PHACTR1: variants seen among roughly 807,000 people sequenced by gnomAD.
PHACTR1 encodes the protein phosphatase and actin regulator 1, also known as RPEL repeat containing 1.
In PHACTR1, 16 loss-of-function variants were observed where a neutral mutation model predicts 69.2. The observed-to-expected ratio is 0.23, with a 90% CI of 0.16 to 0.35. The LOEUF is 0.35. PHACTR1 is among the 10% of genes least tolerant of loss of function. The probability of loss-of-function intolerance (pLI) is 1.00; values close to 1 mark genes in which losing one functional copy is unlikely to be tolerated. For synonymous variants in PHACTR1, 312 were observed against 284.5 expected, an observed-to-expected ratio of 1.10 and a Z score of -0.97; for missense variants, 510 against 734.7, an observed-to-expected ratio of 0.69 and a Z score of 3.54.
At chr6:12,820,362 A>G (rs909335669) in intron 4 of PHACTR1, among the ~76,000 whole-genome samples, 1 of 152,036 alleles carries the variant, frequency 6.6e-6, no homozygotes, top group South Asian at 2.1e-4. Context: ...TTGTATTTTT[A>G]GTAGAGACAG....
chr6:12,916,768 C>A (rs1009152686), intron 4 of PHACTR1, among the ~76,000 whole-genome samples: 1 of 152,078 alleles, frequency 6.6e-6, no homozygotes, highest in African/African-American at 2.4e-5. Context: ...CTAGATCTTC[C>A]AATATGTGCA....
chr6:13,232,752 G>T (rs541395553), intron 10 of PHACTR1, among the ~76,000 whole-genome samples: 4 of 152,256 alleles, frequency 2.6e-5, no homozygotes, highest in African/African-American at 9.6e-5. Flanking sequence ...TCGGTTCTGA[G>T]GGTGGTTGGG....
intron 4 of PHACTR1, among the ~76,000 whole-genome samples, chr6:12,842,823 G>A (rs1368821150): frequency 6.6e-6 from 1 of 152,092 alleles, no homozygotes; most frequent in African/African-American, 2.4e-5. Flanking sequence ...GAGATTACAG[G>A]TGTGAGCTAC....
At chr6:12,974,167 A>G (rs941477621) in intron 4 of PHACTR1, among the ~76,000 whole-genome samples, 5 of 151,844 alleles carry the variant, frequency 3.3e-5, no homozygotes, top group African/African-American at 1.2e-4. Context: ...TGATCCACCC[A>G]CCTCCGCCTT....
At chr6:13,262,304 A>G (rs892436986) in intron 10 of PHACTR1, among the ~76,000 whole-genome samples, 3 of 152,196 alleles carry the variant, frequency 2.0e-5, no homozygotes, top group East Asian at 3.9e-4. Context: ...TTGGAGAGGA[A>G]GATGTATGGG....
intron 4 of PHACTR1, among the ~76,000 whole-genome samples, chr6:12,863,235 A>C (rs1483671122): frequency 6.6e-6 from 1 of 152,224 alleles, no homozygotes; most frequent in South Asian, 2.1e-4. Flanking sequence ...TATTTCTCAC[A>C]GTTCTGAAGG....
At chr6:12,985,743 A>G (rs1057142450) in intron 4 of PHACTR1, among the ~76,000 whole-genome samples, 4 of 152,170 alleles carry the variant, frequency 2.6e-5, no homozygotes, top group South Asian at 4.1e-4. Flanking sequence ...CAAAATCACA[A>G]TTATGTAGAT....
chr6:13,135,665 A>G (rs373754741), intron 5 of PHACTR1, among the ~76,000 whole-genome samples: 32 of 150,286 alleles, frequency 2.1e-4, no homozygotes, highest in African/African-American at 7.8e-4. Context: ...AGACAAAGAC[A>G]GACAGAGATA....
intron 3 of PHACTR1, among the ~76,000 whole-genome samples, chr6:12,723,319 C>T (rs188318068): frequency 5.8e-4 from 88 of 152,108 alleles, no homozygotes; most frequent in Middle Eastern, 3.4e-3. Flanking sequence ...TTCATTCATT[C>T]GTCTGGGGCT....
chr6:13,227,883 A>G lies in PHACTR1; in HGVS notation c.1054A>G (p.Thr352Ala). ...SSGLHSGDGV[T>A]KAGPMGLPEI... ...TGGGTTGCACTCGGGTGATGGGGTC[A>G]CCAAAGCAGGACCTATGGGCCTTCC... Residue 352 changes from threonine to alanine, a missense_variant, in exon 9 of 15, where the codon ACC (threonine) becomes GCC (alanine). Transcript: ENST00000332995. 1 of 1,614,020 alleles carries G rather than the reference A, an allele frequency of 6.2e-7. No individual in the cohort carries two copies. The highest frequency in any genetic ancestry group is 8.5e-7 in the Non-Finnish European group (1 of 1,179,890).
intron 4 of PHACTR1, among the ~76,000 whole-genome samples, chr6:12,903,560 C>T (rs1362039059): frequency 2.0e-5 from 3 of 152,252 alleles, no homozygotes; most frequent in Non-Finnish European, 4.4e-5. Flanking sequence ...TTCTCCAAGG[C>T]TCCCCACTGG....
At chr6:13,027,834 C>A (rs1286841786) in intron 4 of PHACTR1, among the ~76,000 whole-genome samples, 1 of 152,190 alleles carries the variant, frequency 6.6e-6, no homozygotes, top group Non-Finnish European at 1.5e-5. Context: ...CGCCACCACA[C>A]CCAGCTAATT....
At chr6:13,001,121 T>C (rs932520210) in intron 4 of PHACTR1, among the ~76,000 whole-genome samples, 1 of 152,202 alleles carries the variant, frequency 6.6e-6, no homozygotes, top group Non-Finnish European at 1.5e-5. Flanking sequence ...AGTGGTTCCA[T>C]TGGTAGAAAA....
At chr6:13,175,510 G>C (rs1219251863) in intron 6 of PHACTR1, among the ~76,000 whole-genome samples, 2 of 152,052 alleles carry the variant, frequency 1.3e-5, no homozygotes, top group African/African-American at 4.8e-5. Context: ...TTGCAGCTGC[G>C]CTTCACCCCA....
At chr6:13,264,780 T>C (rs1293811351) in intron 10 of PHACTR1, 2 of 152,104 alleles carry the variant, frequency 1.3e-5, no homozygotes, top group Non-Finnish European at 2.9e-5. Flanking sequence ...CCCAGCACTT[T>C]GGGAGGCCAA....
At chr6:12,768,315 C>T (rs1029799920) in intron 4 of PHACTR1, among the ~76,000 whole-genome samples, 28 of 152,102 alleles carry the variant, frequency 1.8e-4, no homozygotes, top group African/African-American at 6.3e-4. Flanking sequence ...GGGGTTTCAC[C>T]GTGTTAGACA....
In PHACTR1 at chr6:12,845,117, G is replaced by A. The variant is rs114402378; in HGVS notation, c.250+95327G>A. 8.6e-4 allele frequency among the ~76,000 whole-genome samples: 131 copies of A among 152,298 alleles called. 1 individual carries two copies. In the South Asian group the frequency reaches 0.018, roughly 20 times the overall value. The stretch of plus-strand genomic sequence containing the variant: ...TATTTATGCATATCTGCATCTGAGC[G>A]TTGGATCGACGTTTTTCAAAATTGT... On this transcript the variant is annotated intron_variant, in intron 4 of 14. Transcript: ENST00000332995.
intron 5 of PHACTR1, among the ~76,000 whole-genome samples, chr6:13,129,633 A>G (rs1159427524): frequency 6.6e-6 from 1 of 152,102 alleles, no homozygotes; most frequent in Non-Finnish European, 1.5e-5. Flanking sequence ...TGCACCTAAC[A>G]CTGGAGCTCC....
intron 4 of PHACTR1, among the ~76,000 whole-genome samples, chr6:12,993,550 AG>A (rs1463660115): frequency 6.6e-6 from 1 of 152,232 alleles, no homozygotes; most frequent in Non-Finnish European, 1.5e-5. Context: ...CATTTGCTTC[AG>A]GCGAGAGCTA....
Sources: allele counts gnomAD v4.1 joint callset (sites outside exome capture counted in the v4.1 genomes callset), GRCh38; gene constraint gnomAD v4.1.1; transcripts MANE v1.5; gene names NCBI Gene and HGNC (gene_info 2026-07-23, HGNC 2026-07-21).